Variants in TOMM70 observed in about 807,000 individuals in gnomAD.
TOMM70 encodes mitochondrial import receptor subunit TOM70.
Under a neutral mutation model 73.6 loss-of-function variants are expected in TOMM70, and 13 were observed. The observed-to-expected ratio is 0.18, with a 90% CI of 0.11 to 0.28. The LOEUF (loss-of-function observed/expected upper bound fraction) is 0.28, where lower values mean the gene tolerates loss of function less well. Among genes scored for constraint, TOMM70 ranks in the 10% least tolerant of loss-of-function variants. The probability of loss-of-function intolerance (pLI) is 1.00; values close to 1 mark genes in which losing one functional copy is unlikely to be tolerated. For missense variants in TOMM70, 609 were observed against 747.5 expected (o/e 0.81, Z 2.16); for synonymous variants, 257 against 271.2 (o/e 0.95, Z 0.51).
intron 1 of TOMM70, among the ~76,000 whole-genome samples, chr3:100,397,096 G>A (rs1327533709): frequency 6.6e-6 from 1 of 152,148 alleles, no homozygotes; most frequent in Non-Finnish European, 1.5e-5. Flanking sequence ...TATTGCTCAG[G>A]TGGAGAAAGG....
chr3:100,372,310 C>T (rs1220804576), intron 9 of TOMM70: 11 of 254,992 alleles, frequency 4.3e-5, no homozygotes, highest in East Asian at 2.2e-4. Flanking sequence ...CAATTGCATA[C>T]GGTAAATTTT....
chr3:100,387,605 C>G (rs141338420), intron 1 of TOMM70, among the ~76,000 whole-genome samples: 1,468 of 114,998 alleles, frequency 0.013, 19 homozygotes, highest in African/African-American at 0.05. Flanking sequence ...CACAGACACA[C>G]ACACACACAC....
intron 1 of TOMM70, 37 bp from the exon 2 acceptor site, chr3:100,387,015 A>G: frequency 6.3e-7 from 1 of 1,595,794 alleles, no homozygotes; most frequent in Non-Finnish European, 8.6e-7. Flanking sequence ...ACACTAATCA[A>G]CATTCACAGA....
intron 11 of TOMM70, among the ~76,000 whole-genome samples, chr3:100,365,966 A>G (rs1010431008): frequency 6.6e-6 from 1 of 152,244 alleles, no homozygotes; most frequent in African/African-American, 2.4e-5. Flanking sequence ...TACTATTACA[A>G]ATACTATGTG....
chr3:100,386,999 T>G, intron 1 of TOMM70, 21 bp from the exon 2 acceptor site: 1 of 1,608,408 alleles, frequency 6.2e-7, no homozygotes, highest in East Asian at 2.2e-5. Context: ...AGGAAACAAT[T>G]ATCAAACACT....
chr3:100,386,986 GA>G lies in TOMM70; in HGVS notation c.325-9del. ...GGCTCTATCAAGAGAGTTCTGAAAT[GA>G]GAGGAAACAATTATCAAACACTAAT... On this transcript the variant is annotated splice_polypyrimidine_tract_variant and intron_variant, in intron 1 of 11. Coordinates refer to ENST00000284320, the MANE Select transcript of TOMM70 (RefSeq NM_014820.5). The G allele has an allele frequency of 6.2e-7, 1 of 1,611,164 alleles. No homozygotes were observed. The highest frequency in any genetic ancestry group is 8.5e-7 in the Non-Finnish European group (1 of 1,179,106).
chr3:100,368,232 A>G (rs1436149364), intron 10 of TOMM70, 66 bp from the exon 11 acceptor site: 5 of 1,509,498 alleles, frequency 3.3e-6, no homozygotes, highest in African/African-American at 1.4e-5. Flanking sequence ...ACACACATTA[A>G]TATGACTCAA....
Position 100,365,402 on chromosome 3 carries a change from A to ACAC in TOMM70, c.*159_*161dup. 9.6e-7 allele frequency: 1 copy of ACAC among 1,046,548 alleles called. No individual in the cohort carries two copies. Among genetic ancestry groups the ACAC allele is most frequent in the Non-Finnish European group, 1.3e-6 (1 of 743,020 alleles). 64.8% of individuals were successfully genotyped at this position (1,046,548 alleles called of 1,614,324 possible). ...AGACTGCAAACTTCCTTCAACAGCCACACCCACAACACCTAGACATGAAAC... is the reference window on the plus strand; with the variant it reads ...AGACTGCAAACTTCCTTCAACAGCCACACCACCCACAACACCTAGACATGAAAC... On this transcript the variant is annotated 3_prime_UTR_variant, in exon 12 of 12. Coordinates refer to ENST00000284320, the MANE Select transcript of TOMM70 (RefSeq NM_014820.5).
chr3:100,383,978 T>G (rs1706664582), intron 4 of TOMM70, among the ~76,000 whole-genome samples: 1 of 152,204 alleles, frequency 6.6e-6, no homozygotes, highest in Non-Finnish European at 1.5e-5. Flanking sequence ...AATAAATGAT[T>G]GTTGAATTAA....
intron 1 of TOMM70, among the ~76,000 whole-genome samples, chr3:100,392,804 T>C (rs1387239693): frequency 1.3e-5 from 2 of 152,174 alleles, no homozygotes; most frequent in African/African-American, 4.8e-5. Flanking sequence ...ACTGGGTATC[T>C]ACCCAAAGGA....
intron 1 of TOMM70, among the ~76,000 whole-genome samples, chr3:100,394,450 A>G (rs1428187813): frequency 6.6e-6 from 1 of 151,604 alleles, no homozygotes; most frequent in Non-Finnish European, 1.5e-5. Flanking sequence ...ACTCTGGAAC[A>G]CTTACTGTAT....
intron 5 of TOMM70, among the ~76,000 whole-genome samples, chr3:100,380,198 T>G (rs922820432): frequency 2.6e-5 from 4 of 151,944 alleles, no homozygotes; most frequent in Admixed American, 1.3e-4. Flanking sequence ...ATACAAAAAT[T>G]AGCTGGCGTC....
chr3:100,364,570 G>T lies in TOMM70; in HGVS notation c.*994C>A, dbSNP rs1706426952. ...AAAAAAGTTCTAAAATTTTTTAAAG[G>T]ATGGGGTCTTGCTATATTGCCCAGG... On this transcript the variant is annotated 3_prime_UTR_variant, in exon 12 of 12. Transcript: ENST00000284320. 6.8e-6 allele frequency: 1 copy of T among 147,682 alleles called. No homozygotes were observed. The highest frequency in any genetic ancestry group is 2.1e-4 in the South Asian group (1 of 4,658). The allele number at this position is 147,682 out of a possible 1,614,324, so 9.1% of individuals were successfully genotyped here.
intron 6 of TOMM70, among the ~76,000 whole-genome samples, chr3:100,376,369 GT>G (rs141227349): frequency 8.1e-4 from 99 of 121,720 alleles, no homozygotes; most frequent in Admixed American, 1.3e-3. Flanking sequence ...TCACACAGAA[GT>G]TTTTTTTTTT....
rs1461247415 is a variant in TOMM70, at chr3:100,401,072, G to C, written c.-123C>G. On this transcript the variant is annotated 5_prime_UTR_variant, in exon 1 of 12. Transcript: ENST00000284320. ...AGCGAGCGAGCACGCTAGGCAGAGA[G>C]AGCGGACGACAGAAAAGGGCCAGAG... is the stretch of plus-strand genomic sequence containing the variant. The C allele has an allele frequency of 2.7e-6, 3 of 1,113,474 alleles. No homozygotes were observed. The highest frequency in any genetic ancestry group is 3.8e-6 in the Non-Finnish European group (3 of 781,284). 69.0% of individuals were successfully genotyped at this position (1,113,474 alleles called of 1,614,324 possible).
At chr3:100,365,914 C>G (rs1284706120) in intron 11 of TOMM70, among the ~76,000 whole-genome samples, 197 bp from the exon 12 acceptor site, 1 of 152,166 alleles carries the variant, frequency 6.6e-6, no homozygotes, top group Non-Finnish European at 1.5e-5. Flanking sequence ...TTAAAATAAA[C>G]AAGAGTACCT....
In TOMM70 at chr3:100,400,884, C is replaced by A; in HGVS notation, c.66G>T (p.Gly22=). Reference sequence around the variant, plus strand: ...GGCCCGCAGTCCCGCCGCCGCCCACCCCACTCCCGGAGCTCGGTACAGCGG... The same window carrying A: ...GGCCCGCAGTCCCGCCGCCGCCCACACCACTCCCGGAGCTCGGTACAGCGG... ...VAAAVPSSGS[G]VGGGGTAGPG... The change falls in exon 1 of 12, where the codon GGG becomes GGT. Residue 22 remains glycine (G), a synonymous_variant. Coordinates refer to ENST00000284320, the MANE Select transcript of TOMM70 (RefSeq NM_014820.5). The A allele has an allele frequency of 2.6e-6, 4 of 1,530,198 alleles. No individual in the cohort carries two copies. The highest frequency in any genetic ancestry group is 3.5e-6 in the Non-Finnish European group (4 of 1,145,306). The allele number at this position is 1,530,198 out of a possible 1,614,324, so 94.8% of individuals were successfully genotyped here.
chr3:100,376,571 C>A (rs1159587899), intron 6 of TOMM70, among the ~76,000 whole-genome samples: 1 of 150,500 alleles, frequency 6.6e-6, no homozygotes, highest in Non-Finnish European at 1.5e-5. Context: ...GCACAGAAGT[C>A]TGATCACGTC....
intron 1 of TOMM70, among the ~76,000 whole-genome samples, chr3:100,397,672 C>T (rs186855911): frequency 2.4e-4 from 36 of 152,212 alleles, no homozygotes; most frequent in East Asian, 1.4e-3. Context: ...GGGTGAATCA[C>T]GAGGTCAGGA....
Sources: allele counts gnomAD v4.1 joint callset (sites outside exome capture counted in the v4.1 genomes callset), GRCh38; gene constraint gnomAD v4.1.1; transcripts MANE v1.5; gene names NCBI Gene and HGNC (gene_info 2026-07-23, HGNC 2026-07-21).